Variants in NCOA7 observed in about 807,000 individuals in gnomAD.
NCOA7 encodes the protein 140 kDa estrogen receptor-associated protein.
NCOA7 carries 45 observed loss-of-function variants against 104.3 expected under a neutral mutation model. That is an observed-to-expected ratio of 0.43 (90% CI 0.34 to 0.55). NCOA7 has a LOEUF of 0.55. Among genes scored for constraint, NCOA7 ranks in the 20% least tolerant of loss-of-function variants. NCOA7 has a pLI of 0.02. For synonymous variants in NCOA7, 398 were observed against 402.3 expected (o/e 0.99, Z 0.13); for missense variants, 1,041 against 1,119.7 (o/e 0.93, Z 1.00).
intron 2 of NCOA7, among the ~76,000 whole-genome samples, chr6:125,821,884 G>A (rs1778219046): frequency 6.6e-6 from 1 of 152,194 alleles, no homozygotes. Context: ...CAAATACAGA[G>A]TCTGAGGTCC....
intron 1 of NCOA7, among the ~76,000 whole-genome samples, chr6:125,807,761 G>A (rs940830692): frequency 2.6e-5 from 4 of 151,990 alleles, no homozygotes; most frequent in Admixed American, 6.6e-5. Context: ...ATGAGGACAG[G>A]GCATAAGAAA....
At chr6:125,859,271 A>G (rs1373652035) in intron 3 of NCOA7, among the ~76,000 whole-genome samples, 3 of 152,018 alleles carry the variant, frequency 2.0e-5, no homozygotes, top group African/African-American at 7.2e-5. Context: ...TTGACAGACT[A>G]GGAAGCTCAA....
chr6:125,813,060 C>T (rs575483224), intron 1 of NCOA7, among the ~76,000 whole-genome samples: 10 of 152,292 alleles, frequency 6.6e-5, no homozygotes, highest in South Asian at 2.1e-4. Flanking sequence ...CACGTCAATC[C>T]TCTACCTCTG....
At chr6:125,855,548 T>C (rs1396306858) in intron 3 of NCOA7, 1 of 184,584 alleles carries the variant, frequency 5.4e-6, no homozygotes, top group Non-Finnish European at 1.1e-5. Context: ...TGTAGACATA[T>C]TCATAAATAT....
chr6:125,843,045 A>AC (rs1286927730), intron 2 of NCOA7, among the ~76,000 whole-genome samples: 12 of 152,068 alleles, frequency 7.9e-5, no homozygotes, highest in Non-Finnish European at 1.6e-4. Context: ...CTGAATAGTG[A>AC]CCCCCAAAGA....
At chr6:125,844,673 T>G (rs548749569) in intron 2 of NCOA7, among the ~76,000 whole-genome samples, 2 of 152,332 alleles carry the variant, frequency 1.3e-5, no homozygotes, top group Non-Finnish European at 2.9e-5. Flanking sequence ...ATAAGTGGCT[T>G]TGTATTGATG....
chr6:125,928,209 C>T lies in NCOA7; in HGVS notation c.2655C>T (p.Ile885=), dbSNP rs759149426. ...GGAGTGGAGAAAATTCATACTTTAT[C>T]AATGGAGACATAAGTTCTTTAGAAC... is the stretch of plus-strand genomic sequence containing the variant. ...FKWSGENSYF[I]NGDISSLELG... The change falls in exon 15 of 16, where the codon ATC becomes ATT. Residue 885 remains isoleucine, a synonymous_variant. Transcript: ENST00000392477. The T allele has an allele frequency of 1.2e-6, 2 of 1,612,876 alleles. No individual in the cohort carries two copies. Among genetic ancestry groups the T allele is most frequent in the South Asian group, 2.2e-5 (2 of 90,698 alleles).
chr6:125,886,938 C>G (rs1029619601), intron 8 of NCOA7, among the ~76,000 whole-genome samples: 2 of 152,332 alleles, frequency 1.3e-5, no homozygotes, highest in Middle Eastern at 6.8e-3. Flanking sequence ...GTAGCTCCGG[C>G]TGCCACAGTG....
intron 2 of NCOA7, among the ~76,000 whole-genome samples, chr6:125,830,736 T>TGTGTGC: frequency 1.2e-5 from 1 of 83,290 alleles, no homozygotes; most frequent in East Asian, 4.7e-4. Context: ...TATATATATA[T>TGTGTGC]ATGTGTGTGT....
rs935096729 is a variant in NCOA7, at chr6:125,790,996, C to G, written c.-136C>G. 1 of 153,616 alleles carries G rather than the reference C, an allele frequency of 6.5e-6. No individual in the cohort carries two copies. The highest frequency in any genetic ancestry group is 1.4e-5 in the Non-Finnish European group (1 of 69,272). 9.5% of individuals were successfully genotyped at this position (153,616 alleles called of 1,614,324 possible). ...CTCCCCGGCGCCCAGCAGCAGAGGC[C>G]ACCGCTCCCAGAAATGCATGCGACC... is the stretch of plus-strand genomic sequence containing the variant. On this transcript the variant is annotated 5_prime_UTR_variant, in exon 1 of 16. Coordinates refer to ENST00000392477, the MANE Select transcript of NCOA7 (RefSeq NM_181782.5).
chr6:125,914,747 G>A (rs1189710127), intron 10 of NCOA7, among the ~76,000 whole-genome samples: 1 of 152,134 alleles, frequency 6.6e-6, no homozygotes, highest in Non-Finnish European at 1.5e-5. Context: ...AGATACTTTG[G>A]AAACTTCATT....
chr6:125,922,128 T>C (rs1444961936), intron 12 of NCOA7, among the ~76,000 whole-genome samples: 1 of 152,234 alleles, frequency 6.6e-6, no homozygotes, highest in East Asian at 1.9e-4. Flanking sequence ...CCTTTGGTAA[T>C]ATTCTTGAAG....
In NCOA7 at chr6:125,844,206, A is replaced by G. The variant is rs571107877; in HGVS notation, c.51-10814A>G. Among the ~76,000 whole-genome samples the G allele has an allele frequency of 2.0e-5, 3 of 152,322 alleles. No homozygotes were observed. In the South Asian group the frequency reaches 6.2e-4, roughly 32 times the overall value. On this transcript the variant is annotated intron_variant, in intron 2 of 15. Coordinates refer to ENST00000392477, the MANE Select transcript of NCOA7 (RefSeq NM_181782.5). Reference sequence around the variant, plus strand: ...TGGTTGTTCTTTGAGGCTAGGGGAAATGCTGTTGTGTGTATGTGTACCCAT... The same window carrying G: ...TGGTTGTTCTTTGAGGCTAGGGGAAGTGCTGTTGTGTGTATGTGTACCCAT...
At chr6:125,805,071 G>T (rs1051856098) in intron 1 of NCOA7, among the ~76,000 whole-genome samples, 2 of 148,974 alleles carry the variant, frequency 1.3e-5, no homozygotes, top group Non-Finnish European at 3.0e-5. Flanking sequence ...CATAAAGCTG[G>T]GTTCACCCTC....
intron 11 of NCOA7, among the ~76,000 whole-genome samples, chr6:125,920,042 G>A (rs1373823106): frequency 6.6e-6 from 1 of 152,196 alleles, no homozygotes; most frequent in East Asian, 1.9e-4. Context: ...GTAATCCAGT[G>A]ATTTATCCAT....
intron 3 of NCOA7, among the ~76,000 whole-genome samples, chr6:125,869,095 A>T (rs1481715971): frequency 6.6e-6 from 1 of 152,248 alleles, no homozygotes; most frequent in Non-Finnish European, 1.5e-5. Context: ...ATATCTAAGT[A>T]GAAATTATGG....
chr6:125,906,773 G>A (rs1290322484), intron 10 of NCOA7, among the ~76,000 whole-genome samples: 2 of 152,190 alleles, frequency 1.3e-5, no homozygotes, highest in African/African-American at 4.8e-5. Context: ...GAATTTCAGA[G>A]CTTGAGGTCT....
At chr6:125,784,905 A>G (rs537767244) in intron 1 of NCOA7, among the ~76,000 whole-genome samples, 2 of 152,158 alleles carry the variant, frequency 1.3e-5, no homozygotes, top group African/African-American at 2.4e-5. Flanking sequence ...ATGATTCTAA[A>G]GGAGTAGCTT....
chr6:125,795,600 G>A (rs1157285015), intron 1 of NCOA7, among the ~76,000 whole-genome samples: 1 of 152,158 alleles, frequency 6.6e-6, no homozygotes, highest in Admixed American at 6.5e-5. Context: ...CTCCTTAGAT[G>A]CCTTGGAGTG....
Sources: allele counts gnomAD v4.1 joint callset (sites outside exome capture counted in the v4.1 genomes callset), GRCh38; gene constraint gnomAD v4.1.1; transcripts MANE v1.5; gene names NCBI Gene and HGNC (gene_info 2026-07-23, HGNC 2026-07-21).